Variants in WASF1 observed in about 807,000 individuals in gnomAD.
WASF1 encodes WASP family member 1.
In WASF1, 7 loss-of-function variants were observed where a neutral mutation model predicts 50.5. The ratio of observed to expected loss-of-function variants is 0.14; its 90% CI spans 0.08 to 0.26. WASF1 has a LOEUF of 0.26. WASF1 is among the 10% of genes least tolerant of loss of function. The pLI is 1.00. For missense variants in WASF1, 470 were observed against 694.7 expected (o/e 0.68, Z 3.64); for synonymous variants, 205 against 244.0 (o/e 0.84, Z 1.49).
Position 110,100,335 on chromosome 6 carries a change from C to A in WASF1, c.*187G>T. ...TTTCAGGGGGAAAAAAAAGATAAGC[C>A]ACTGTAAAACATTTAGTTTGAAATG... On this transcript the variant is annotated 3_prime_UTR_variant, in exon 11 of 11. Coordinates refer to ENST00000392589, the MANE Select transcript of WASF1 (RefSeq NM_003931.3). The A allele has an allele frequency of 1.8e-6, 1 of 550,268 alleles. No homozygotes were observed. Among genetic ancestry groups the A allele is most frequent in the South Asian group, 3.4e-5 (1 of 29,698 alleles). The allele number at this position is 550,268 out of a possible 1,614,324, so 34.1% of individuals were successfully genotyped here.
chr6:110,126,186 G>A (rs369092135), intron 4 of WASF1, among the ~76,000 whole-genome samples: 15 of 151,776 alleles, frequency 9.9e-5, no homozygotes, highest in African/African-American at 2.7e-4. Flanking sequence ...GATTCAATCC[G>A]TGCTAGGTCA....
At chr6:110,179,228 C>T (rs944877985) in intron 1 of WASF1, among the ~76,000 whole-genome samples, 8 of 152,124 alleles carry the variant, frequency 5.3e-5, no homozygotes, top group Non-Finnish European at 8.8e-5. Context: ...GCCGCCGTCT[C>T]CCTCGGCACC....
At chr6:110,152,640 G>A (rs959754904) in intron 3 of WASF1, among the ~76,000 whole-genome samples, 3 of 152,130 alleles carry the variant, frequency 2.0e-5, no homozygotes, top group Admixed American at 6.5e-5. Flanking sequence ...AAATGTAGCC[G>A]TCAGTGCCAT....
chr6:110,166,099 C>G (rs980943284), intron 2 of WASF1, among the ~76,000 whole-genome samples: 1 of 151,198 alleles, frequency 6.6e-6, no homozygotes, highest in African/African-American at 2.4e-5. Context: ...ATACACCAAG[C>G]CAAAATACGA....
chr6:110,112,026 T>C (rs1010877275), intron 5 of WASF1, among the ~76,000 whole-genome samples: 3 of 151,400 alleles, frequency 2.0e-5, no homozygotes, highest in Non-Finnish European at 4.4e-5. Context: ...ATTTTACAAG[T>C]GGTACAAATC....
At chr6:110,164,958 CTA>C (rs914938196) in intron 2 of WASF1, among the ~76,000 whole-genome samples, 1 of 151,578 alleles carries the variant, frequency 6.6e-6, no homozygotes, top group Non-Finnish European at 1.5e-5. Context: ...GCTACATACT[CTA>C]TGATTCCAAC....
rs528483392 is a variant in WASF1, at chr6:110,164,346, T to G, written c.-126-3614A>C. Among the ~76,000 whole-genome samples, 11 of 151,784 alleles carry G rather than the reference T, an allele frequency of 7.2e-5. No individual in the cohort carries two copies. In the South Asian group the frequency reaches 2.3e-3, roughly 31 times the overall value. On this transcript the variant is annotated intron_variant, in intron 2 of 10. Coordinates refer to ENST00000392589, the MANE Select transcript of WASF1 (RefSeq NM_003931.3). ...AGAATATACAAAAAACTCTTGAAAT[T>G]CAACAAGAAAATGAACAACTTGATT...
chr6:110,135,541 G>A (rs1406719969), intron 3 of WASF1, among the ~76,000 whole-genome samples: 1 of 151,878 alleles, frequency 6.6e-6, no homozygotes, highest in African/African-American at 2.4e-5. Flanking sequence ...CTGCACCCTT[G>A]GAATTAATCT....
intron 3 of WASF1, among the ~76,000 whole-genome samples, chr6:110,146,256 A>C (rs1203814445): frequency 6.6e-6 from 1 of 152,230 alleles, no homozygotes; most frequent in Non-Finnish European, 1.5e-5. Flanking sequence ...CAATTTCAAT[A>C]TTTCAAATAT....
intron 3 of WASF1, among the ~76,000 whole-genome samples, chr6:110,153,496 G>A (rs1562184725): frequency 6.6e-6 from 1 of 152,100 alleles, no homozygotes; most frequent in Non-Finnish European, 1.5e-5. Context: ...AATCTATGTT[G>A]ATTTCTCACT....
intron 4 of WASF1, among the ~76,000 whole-genome samples, chr6:110,124,613 A>G (rs1271742881): frequency 1.3e-5 from 2 of 152,114 alleles, no homozygotes; most frequent in African/African-American, 4.8e-5. Flanking sequence ...TCTCACAAAA[A>G]ACAGATGTAC....
intron 2 of WASF1, among the ~76,000 whole-genome samples, chr6:110,171,983 A>G (rs892362316): frequency 6.6e-6 from 1 of 152,234 alleles, no homozygotes; most frequent in Non-Finnish European, 1.5e-5. Flanking sequence ...CCACAATGAG[A>G]TATCATCTCA....
In WASF1 at chr6:110,103,321, G is replaced by A. The variant is rs562623174; in HGVS notation, c.893+57C>T. The stretch of plus-strand genomic sequence containing the variant: ...CAAAAATACTTACTATATCGTCCTT[G>A]AAAGAAAAAGCTTACTGACTCCTAA... On this transcript the variant is annotated intron_variant, in intron 9 of 10. Transcript: ENST00000392589. 6.3e-5 allele frequency: 98 copies of A among 1,551,170 alleles called. 1 individual carries two copies. The South Asian group carries it at 9.3e-4, about 15-fold the overall frequency.
intron 4 of WASF1, among the ~76,000 whole-genome samples, chr6:110,127,073 T>C (rs1342764045): frequency 6.6e-6 from 1 of 152,112 alleles, no homozygotes; most frequent in Non-Finnish European, 1.5e-5. Flanking sequence ...TTCCCTAAAC[T>C]AATTAAATAT....
At chr6:110,177,831 A>G (rs1218680647) in intron 2 of WASF1, among the ~76,000 whole-genome samples, 1 of 152,174 alleles carries the variant, frequency 6.6e-6, no homozygotes, top group Non-Finnish European at 1.5e-5. Context: ...GGAAAAGGAA[A>G]ATTATAAAAA....
At chr6:110,142,521 A>G (rs1204556063) in intron 3 of WASF1, among the ~76,000 whole-genome samples, 1 of 152,170 alleles carries the variant, frequency 6.6e-6, no homozygotes, top group Admixed American at 6.5e-5. Context: ...ATAAAGCCTA[A>G]TAACTTTATC....
chr6:110,147,570 G>A lies in WASF1; in HGVS notation c.-29+13065C>T, dbSNP rs532809446. ...CAATAGTATTATACACCTATAGAGT[G>A]GAAAGAAGACTGTATATAGTCATCT... On this transcript the variant is annotated intron_variant, in intron 3 of 10. Coordinates refer to ENST00000392589, the MANE Select transcript of WASF1 (RefSeq NM_003931.3). 8.9e-4 allele frequency among the ~76,000 whole-genome samples: 136 copies of A among 152,166 alleles called. 2 individuals are homozygous for A. Among genetic ancestry groups the A allele is most frequent in the Non-Finnish European group, 9.3e-4 (63 of 67,988 alleles).
chr6:110,131,505 A>G (rs939492323), intron 3 of WASF1, among the ~76,000 whole-genome samples: 1 of 152,206 alleles, frequency 6.6e-6, no homozygotes, highest in African/African-American at 2.4e-5. Context: ...AGAGCTAATG[A>G]CAAACTGAAT....
intron 4 of WASF1, among the ~76,000 whole-genome samples, chr6:110,115,993 C>T (rs994903605): frequency 6.6e-6 from 1 of 152,104 alleles, no homozygotes; most frequent in South Asian, 2.1e-4. Flanking sequence ...CAGAAGATGA[C>T]TTGATGGAGA....
Sources: allele counts gnomAD v4.1 joint callset (sites outside exome capture counted in the v4.1 genomes callset), GRCh38; gene constraint gnomAD v4.1.1; transcripts MANE v1.5; gene names NCBI Gene and HGNC (gene_info 2026-07-23, HGNC 2026-07-21).